The following TNFRSF10A variants were observed in gnomAD, a reference collection of about 807,000 sequenced individuals.
TNFRSF10A encodes the protein tumor necrosis factor receptor superfamily member 10A.
TNFRSF10A carries 44 observed loss-of-function variants against 42.8 expected under a neutral mutation model. That is an observed-to-expected ratio of 1.03 (90% CI 0.81 to 1.32). The LOEUF is 1.32. Ranked by LOEUF, TNFRSF10A falls within the 40% of genes most tolerant of loss-of-function variation. The pLI, the probability that TNFRSF10A is intolerant of heterozygous loss-of-function variation, is 0.00. For synonymous variants in TNFRSF10A, 259 were observed against 234.2 expected (o/e 1.11, Z -0.97); for missense variants, 680 against 602.0 (o/e 1.13, Z -1.36).
chr8:23,215,913 G>A (rs1215259358), intron 1 of TNFRSF10A, among the ~76,000 whole-genome samples: 1 of 151,790 alleles, frequency 6.6e-6, no homozygotes, highest in East Asian at 1.9e-4. Flanking sequence ...CGGTCTCCTG[G>A]GTTCAAGCGA....
intron 4 of TNFRSF10A, 48 bp downstream of exon 4, chr8:23,201,760 T>C: frequency 6.4e-7 from 1 of 1,568,340 alleles, no homozygotes; most frequent in Non-Finnish European, 8.8e-7. Context: ...GTTCCTTGCT[T>C]CTGTGGGTTC....
intron 2 of TNFRSF10A, among the ~76,000 whole-genome samples, chr8:23,208,477 GAC>G (rs1422992561): frequency 1.3e-5 from 2 of 151,914 alleles, no homozygotes; most frequent in Admixed American, 1.3e-4. Context: ...TTGTTTTTGA[GAC>G]AGAGTCTTGC....
At chr8:23,210,032 G>C (rs1371134427) in intron 2 of TNFRSF10A, among the ~76,000 whole-genome samples, 3 of 152,194 alleles carry the variant, frequency 2.0e-5, no homozygotes, top group Non-Finnish European at 2.9e-5. Context: ...TCTCATTATA[G>C]TGAGTAAGTC....
chr8:23,223,215 A>G (rs1336727479), intron 1 of TNFRSF10A, among the ~76,000 whole-genome samples: 3 of 151,984 alleles, frequency 2.0e-5, no homozygotes, highest in Admixed American at 2.0e-4. Flanking sequence ...ACAGGCGGCC[A>G]CCACCACGCC....
At chr8:23,197,339 A>C (rs1585279550) in intron 8 of TNFRSF10A, 135 bp from the exon 9 acceptor site, 1 of 1,021,366 alleles carries the variant, frequency 9.8e-7, no homozygotes, top group Non-Finnish European at 1.5e-6. Flanking sequence ...ATGGTGAAAA[A>C]CCTCTGGTCC....
Position 23,200,781 on chromosome 8 carries a change from AG to A in TNFRSF10A, c.630-22del, listed in dbSNP as rs368250755. On this transcript the variant is annotated intron_variant, in intron 4 of 9. Transcript: ENST00000221132. ...GGCACCTGGGTACACACAGGGAGGG[AG>A]GGGGGGGACTCTTGATGGAAAGCTG... 233 of 705,308 alleles carry A rather than the reference AG, an allele frequency of 3.3e-4. 1 individual carries two copies. Among genetic ancestry groups the A allele is most frequent in the East Asian group, 9.0e-4 (24 of 26,610 alleles). The allele number at this position is 705,308 out of a possible 1,614,324, so 43.7% of individuals were successfully genotyped here. A position where few individuals can be genotyped will look rare whatever the true frequency, so the allele number is the denominator to read the frequency against.
At chr8:23,223,401 A>G (rs1401772990) in intron 1 of TNFRSF10A, among the ~76,000 whole-genome samples, 1 of 152,202 alleles carries the variant, frequency 6.6e-6, no homozygotes, top group Non-Finnish European at 1.5e-5. Context: ...ACGGACTGTG[A>G]CATTTCCAAA....
In TNFRSF10A at chr8:23,191,661, A is replaced by G. The variant is rs1227599291; in HGVS notation, c.*33T>C. 1.3e-6 allele frequency: 2 copies of G among 1,584,498 alleles called. No individual in the cohort carries two copies. Among genetic ancestry groups the G allele is most frequent in the African/African-American group, 2.7e-5 (2 of 73,392 alleles). ...AACCTAATATGTATTAACTCCTAAC[A>G]CCTAAGAGGAAACCTCTGGTAAAAA... is the stretch of plus-strand genomic sequence containing the variant. On this transcript the variant is annotated 3_prime_UTR_variant, in exon 10 of 10. Transcript: ENST00000221132.
At chr8:23,206,764 T>C (rs1473177830) in intron 2 of TNFRSF10A, among the ~76,000 whole-genome samples, 2 of 151,988 alleles carry the variant, frequency 1.3e-5, no homozygotes, top group African/African-American at 4.8e-5. Context: ...CAACAAAAAA[T>C]TAGGTACCTT....
intron 2 of TNFRSF10A, chr8:23,207,463 A>T (rs1801031997): frequency 1.2e-5 from 5 of 417,642 alleles, no homozygotes; most frequent in Non-Finnish European, 1.8e-5. Context: ...GAATGATACC[A>T]ACCATTTCAA....
At chr8:23,211,973 A>G (rs547410577) in intron 2 of TNFRSF10A, 143 bp downstream of exon 2, 1 of 674,596 alleles carries the variant, frequency 1.5e-6, no homozygotes, top group South Asian at 2.0e-5. Flanking sequence ...TGTTGAATAG[A>G]AGAACCAGAA....
intron 2 of TNFRSF10A, among the ~76,000 whole-genome samples, chr8:23,206,333 T>A (rs541592196): frequency 6.6e-6 from 1 of 152,308 alleles, no homozygotes; most frequent in South Asian, 2.1e-4. Flanking sequence ...GGCCTTCACA[T>A]TCACTCACCA....
intron 7 of TNFRSF10A, 110 bp from the exon 8 acceptor site, chr8:23,199,558 A>G: frequency 1.5e-6 from 2 of 1,351,218 alleles, no homozygotes; most frequent in South Asian, 1.4e-5. Context: ...AGGTCACTCC[A>G]GGAAGTCCAT....
chr8:23,194,065 G>A (rs2128846306), intron 9 of TNFRSF10A, among the ~76,000 whole-genome samples: 1 of 152,122 alleles, frequency 6.6e-6, no homozygotes, highest in Non-Finnish European at 1.5e-5. Flanking sequence ...CTAAAATTTG[G>A]GTTCACAACC....
Position 23,191,235 on chromosome 8 carries a change from C to T in TNFRSF10A, c.*459G>A, listed in dbSNP as rs377540978. On this transcript the variant is annotated 3_prime_UTR_variant, in exon 10 of 10. Coordinates refer to ENST00000221132, the MANE Select transcript of TNFRSF10A (RefSeq NM_003844.4). Reference sequence around the variant, plus strand: ...TTGACCACCATGATAAGGAAACACACGGAGGCCAGCTCAGGGGAGAACCAG... The same window carrying T: ...TTGACCACCATGATAAGGAAACACATGGAGGCCAGCTCAGGGGAGAACCAG... 9 of 165,388 alleles carry T rather than the reference C, an allele frequency of 5.4e-5. No individual in the cohort carries two copies. Among genetic ancestry groups the T allele is most frequent in the Admixed American group, 1.8e-4 (3 of 16,918 alleles). 10.2% of individuals were successfully genotyped at this position (165,388 alleles called of 1,614,324 possible). A position where few individuals can be genotyped will look rare whatever the true frequency, so the allele number is the denominator to read the frequency against.
At chr8:23,199,226 C>G in intron 8 of TNFRSF10A, 40 bp downstream of exon 8, 2 of 1,590,062 alleles carry the variant, frequency 1.3e-6, no homozygotes, top group Non-Finnish European at 8.6e-7. Flanking sequence ...GCCTTCACCC[C>G]CTGCCTACAA....
chr8:23,222,274 A>G (rs939496226), intron 1 of TNFRSF10A, among the ~76,000 whole-genome samples: 3 of 152,160 alleles, frequency 2.0e-5, no homozygotes, highest in Non-Finnish European at 4.4e-5. Flanking sequence ...TGATGAGCTC[A>G]TGTACCTAAA....
At chr8:23,208,200 T>C (rs1452870309) in intron 2 of TNFRSF10A, among the ~76,000 whole-genome samples, 1 of 152,178 alleles carries the variant, frequency 6.6e-6, no homozygotes, top group Non-Finnish European at 1.5e-5. Flanking sequence ...TCTTGTTATA[T>C]TTTAGCAAAG....
rs142087253 is a variant in TNFRSF10A, at chr8:23,209,663, G to C, written c.403+2453C>G. Among the ~76,000 whole-genome samples the C allele has an allele frequency of 1.9e-3, 294 of 152,266 alleles. 1 individual carries two copies. Among genetic ancestry groups the C allele is most frequent in the East Asian group, 0.01 (52 of 5,186 alleles). On this transcript the variant is annotated intron_variant, in intron 2 of 9. Coordinates refer to ENST00000221132, the MANE Select transcript of TNFRSF10A (RefSeq NM_003844.4). The stretch of plus-strand genomic sequence containing the variant: ...ATGGGGCCTGTAGCCCTTTGTTTTC[G>C]ACAATGTCACCCATTTGGAATGGAT...
Sources: gnomAD v4.1 joint callset for allele counts (sites outside exome capture counted in the v4.1 genomes callset) on GRCh38, gnomAD v4.1.1 for gene constraint, MANE v1.5 for transcripts, NCBI Gene and HGNC (gene_info 2026-07-23, HGNC 2026-07-21) for gene names.